COL19A1: variants seen among roughly 807,000 people sequenced by gnomAD.
COL19A1 encodes the protein collagen type XIX alpha 1 chain.
Under a neutral mutation model 190.2 loss-of-function variants are expected in COL19A1, and 159 were observed. The ratio of observed to expected loss-of-function variants is 0.84; its 90% CI spans 0.73 to 0.95. The LOEUF (loss-of-function observed/expected upper bound fraction) is 0.95. COL19A1 is among the 40% of genes least tolerant of loss of function. The probability of loss-of-function intolerance (pLI) is 0.00; values close to 1 mark genes in which losing one functional copy is unlikely to be tolerated. For missense variants in COL19A1, 1,418 were observed against 1,431.9 expected (o/e 0.99, Z 0.16); for synonymous variants, 509 against 458.9 (o/e 1.11, Z -1.39).
intron 1 of COL19A1, among the ~76,000 whole-genome samples, chr6:69,872,750 G>T (rs1418399705): frequency 3.3e-5 from 5 of 152,288 alleles, no homozygotes; most frequent in Non-Finnish European, 7.3e-5. Context: ...AGGGACGGCT[G>T]TCTGAATGAT....
At chr6:69,867,073 C>A (rs1478955140) in intron 1 of COL19A1, among the ~76,000 whole-genome samples, 1 of 145,830 alleles carries the variant, frequency 6.9e-6, no homozygotes, top group African/African-American at 2.5e-5. Flanking sequence ...AACTCACTAT[C>A]AATTCATGCC....
intron 2 of COL19A1, among the ~76,000 whole-genome samples, chr6:69,889,042 A>G (rs1329504023): frequency 3.9e-5 from 6 of 152,222 alleles, no homozygotes; most frequent in Admixed American, 3.3e-4. Context: ...CAAAATGCCT[A>G]AAGGCTCTTG....
intron 42 of COL19A1, among the ~76,000 whole-genome samples, chr6:70,179,716 A>G (rs573416295): frequency 5.2e-4 from 79 of 152,260 alleles, no homozygotes; most frequent in Non-Finnish European, 1.1e-3. Flanking sequence ...ATGTCCAATA[A>G]TGATGATACT....
At chr6:70,141,341 A>G (rs1445861337) in intron 20 of COL19A1, among the ~76,000 whole-genome samples, 1 of 152,150 alleles carries the variant, frequency 6.6e-6, no homozygotes, top group Non-Finnish European at 1.5e-5. Flanking sequence ...AATTCTGTTA[A>G]TGGCACAAAG....
intron 16 of COL19A1, among the ~76,000 whole-genome samples, chr6:70,113,143 G>T (rs557897090): frequency 6.6e-6 from 1 of 152,208 alleles, no homozygotes; most frequent in African/African-American, 2.4e-5. Context: ...CCAAGGTGGG[G>T]GAAAAGCTAG....
intron 14 of COL19A1, among the ~76,000 whole-genome samples, chr6:70,059,205 A>G (rs920254627): frequency 1.3e-5 from 2 of 152,168 alleles, no homozygotes; most frequent in African/African-American, 4.8e-5. Context: ...ATACACTTGC[A>G]TAACATTTTT....
chr6:70,063,598 A>G (rs1402385111), intron 14 of COL19A1, among the ~76,000 whole-genome samples: 1 of 152,184 alleles, frequency 6.6e-6, no homozygotes, highest in Non-Finnish European at 1.5e-5. Context: ...AAACACATTC[A>G]AAAGCTAGCA....
At position 69,962,806 on chromosome 6, in the gene COL19A1, A is replaced by T; in HGVS notation, c.982-20A>T. 6.3e-7 allele frequency: 1 copy of T among 1,578,914 alleles called. No individual in the cohort carries two copies. Among genetic ancestry groups the T allele is most frequent in the South Asian group, 1.2e-5 (1 of 86,540 alleles). ...AAGTATCATTTTTATTACTATACACATCATATTCCTCTTCTACAGGGAGAG... is the reference window on the plus strand; with the variant it reads ...AAGTATCATTTTTATTACTATACACTTCATATTCCTCTTCTACAGGGAGAG... On this transcript the variant is annotated intron_variant, in intron 10 of 50. Coordinates refer to ENST00000620364, the MANE Select transcript of COL19A1 (RefSeq NM_001858.6).
At position 70,184,625 on chromosome 6, in the gene COL19A1, C is replaced by T. The variant is rs147857943; in HGVS notation, c.2776-78C>T. ...AGTAGAAATATGATTAAGGAACTGT[C>T]CTCGAAACCTTATGCTTTTGTTGTG... On this transcript the variant is annotated intron_variant, in intron 44 of 50. Transcript: ENST00000620364. The T allele has an allele frequency of 6.2e-3, 7,031 of 1,142,266 alleles. 50 individuals are homozygous for T. Among genetic ancestry groups the T allele is most frequent in the Non-Finnish European group, 6.5e-3 (5,095 of 787,510 alleles). The allele number at this position is 1,142,266 out of a possible 1,614,324, so 70.8% of individuals were successfully genotyped here.
intron 23 of COL19A1, among the ~76,000 whole-genome samples, chr6:70,143,092 G>T (rs980097123): frequency 3.3e-5 from 5 of 152,158 alleles, no homozygotes; most frequent in Non-Finnish European, 7.4e-5. Flanking sequence ...GGACATGCTT[G>T]TCAGTGCTGT....
intron 36 of COL19A1, among the ~76,000 whole-genome samples, chr6:70,165,341 G>A (rs1385991873): frequency 6.6e-6 from 1 of 152,132 alleles, no homozygotes; most frequent in Admixed American, 6.6e-5. Flanking sequence ...TTAAATTGTA[G>A]TGACTATTTG....
chr6:70,052,837 A>G (rs1780283454), intron 14 of COL19A1, among the ~76,000 whole-genome samples: 2 of 152,304 alleles, frequency 1.3e-5, no homozygotes, highest in East Asian at 1.9e-4. Flanking sequence ...GGGGTCAGAC[A>G]TACTTGCTTT....
At chr6:70,163,547 A>C (rs1437373848) in intron 36 of COL19A1, 151 bp downstream of exon 36, 4 of 667,510 alleles carry the variant, frequency 6.0e-6, no homozygotes, top group Non-Finnish European at 1.0e-5. Flanking sequence ...ATTTGGAAGA[A>C]CACAGGTCCA....
intron 48 of COL19A1, among the ~76,000 whole-genome samples, chr6:70,195,656 TCAA>T (rs1767152821): frequency 6.6e-6 from 1 of 152,300 alleles, no homozygotes; most frequent in African/African-American, 2.4e-5. Flanking sequence ...GAAAGGAATT[TCAA>T]CAACTACTAA....
rs923374964 is a variant in COL19A1 at position 70,210,459 on chromosome 6, T to C, written c.*3185T>C. Among the ~76,000 whole-genome samples the C allele has an allele frequency of 9.2e-5, 14 of 152,214 alleles. No individual in the cohort carries two copies. Among genetic ancestry groups the C allele is most frequent in the African/African-American group, 3.4e-4 (14 of 41,478 alleles). ...TGAGCAAAGTAACCCCATAAGTTTA[T>C]TTCCCTATTTCATGGTATTGTTTAA... On this transcript the variant is annotated 3_prime_UTR_variant, in exon 51 of 51. Coordinates refer to ENST00000620364, the MANE Select transcript of COL19A1 (RefSeq NM_001858.6).
At chr6:70,194,909 G>T (rs553799492) in intron 48 of COL19A1, among the ~76,000 whole-genome samples, 2 of 151,708 alleles carry the variant, frequency 1.3e-5, no homozygotes, top group East Asian at 3.9e-4. Context: ...GATTTCCAGT[G>T]TTCAGAAAAT....
At chr6:70,045,068 T>G (rs749223351) in intron 14 of COL19A1, among the ~76,000 whole-genome samples, 1 of 152,184 alleles carries the variant, frequency 6.6e-6, no homozygotes, top group Middle Eastern at 3.4e-3. Context: ...ATCCCAGCAC[T>G]TTAGGAGGCC....
chr6:70,185,078 G>A (rs1263393642), intron 46 of COL19A1, among the ~76,000 whole-genome samples, 163 bp downstream of exon 46: 1 of 152,124 alleles, frequency 6.6e-6, no homozygotes, highest in African/African-American at 2.4e-5. Flanking sequence ...ATATGACAAC[G>A]GACTCAGAGC....
At chr6:70,078,529 G>A (rs1782029841) in intron 15 of COL19A1, among the ~76,000 whole-genome samples, 2 of 152,136 alleles carry the variant, frequency 1.3e-5, no homozygotes, top group Admixed American at 1.3e-4. Flanking sequence ...TGGGGAGATG[G>A]GCAGTAACTT....
Sources: gnomAD v4.1 joint callset for allele counts (sites outside exome capture counted in the v4.1 genomes callset) on GRCh38, gnomAD v4.1.1 for gene constraint, MANE v1.5 for transcripts, NCBI Gene and HGNC (gene_info 2026-07-23, HGNC 2026-07-21) for gene names.